MEI4: variants seen among roughly 807,000 people sequenced by gnomAD.
MEI4 encodes meiotic double-stranded break formation protein 4.
Under a neutral mutation model 31.4 loss-of-function variants are expected in MEI4, and 27 were observed. That is an observed-to-expected ratio of 0.86 (90% CI 0.63 to 1.19). MEI4 has a LOEUF of 1.19. MEI4 is among the 50% of genes most tolerant of loss of function. The pLI is 0.00. For missense variants in MEI4, 329 were observed against 398.9 expected (o/e 0.82, Z 1.49); for synonymous variants, 122 against 145.4 (o/e 0.84, Z 1.16).
intron 3 of MEI4, among the ~76,000 whole-genome samples, chr6:77,801,160 C>T (rs1429956236): frequency 1.3e-5 from 2 of 152,182 alleles, no homozygotes; most frequent in African/African-American, 2.4e-5. Context: ...ATTATTGCCT[C>T]AATTTCAGAG....
intron 4 of MEI4, among the ~76,000 whole-genome samples, chr6:77,916,434 A>G (rs1021057737): frequency 1.3e-5 from 2 of 151,878 alleles, no homozygotes; most frequent in Non-Finnish European, 2.9e-5. Flanking sequence ...AGATAATTCC[A>G]TTATTTTGGT....
upstream of MEI4, among the ~76,000 whole-genome samples, chr6:77,652,795 T>G (rs144526549): frequency 1.0e-3 from 159 of 152,238 alleles, no homozygotes; most frequent in African/African-American, 3.4e-3. Context: ...AGATTTCTGC[T>G]CTGAACAGAC....
chr6:77,905,886 A>AT (rs1013927232), intron 4 of MEI4, among the ~76,000 whole-genome samples: 18 of 147,362 alleles, frequency 1.2e-4, no homozygotes, highest in African/African-American at 4.3e-4. Context: ...TGATCTTTTC[A>AT]TTTTGTTCCA....
At chr6:77,673,023 T>C (rs764233663) in intron 1 of MEI4, among the ~76,000 whole-genome samples, 4 of 152,234 alleles carry the variant, frequency 2.6e-5, no homozygotes, top group Non-Finnish European at 5.9e-5. Context: ...AAGTCAACAA[T>C]TACCATTGCT....
chr6:77,824,236 C>T (rs1408918859), intron 3 of MEI4, among the ~76,000 whole-genome samples: 11 of 152,042 alleles, frequency 7.2e-5, no homozygotes, highest in African/African-American at 1.2e-4. Flanking sequence ...ATTACAGGCG[C>T]GTGCCACCAT....
intron 3 of MEI4, among the ~76,000 whole-genome samples, chr6:77,818,808 G>C (rs754006871): frequency 6.6e-6 from 1 of 152,080 alleles, no homozygotes; most frequent in Non-Finnish European, 1.5e-5. Flanking sequence ...CTCACTTACT[G>C]CAGCTTGGAA....
intron 1 of MEI4, among the ~76,000 whole-genome samples, chr6:77,669,496 T>A (rs1042899066): frequency 2.0e-5 from 3 of 152,198 alleles, no homozygotes; most frequent in Non-Finnish European, 4.4e-5. Context: ...GCTGACTTTT[T>A]AAGGGTTTAT....
intron 2 of MEI4, among the ~76,000 whole-genome samples, chr6:77,735,211 T>C (rs140273116): frequency 0.15 from 22,600 of 151,958 alleles, 1,851 homozygotes; most frequent in East Asian, 0.27. Flanking sequence ...TTCTCCTGGA[T>C]AATATCCTGC....
chr6:77,714,009 G>T (rs1766525104), intron 2 of MEI4, among the ~76,000 whole-genome samples: 1 of 151,908 alleles, frequency 6.6e-6, no homozygotes, highest in Admixed American at 6.6e-5. Flanking sequence ...TTCTGTGTTA[G>T]TTTGCTAAGG....
Position 77,923,665 on chromosome 6 carries a change from A to AGTT in MEI4, c.*322_*324dup, listed in dbSNP as rs1248107516. On this transcript the variant is annotated 3_prime_UTR_variant, in exon 5 of 5. Coordinates refer to ENST00000684080, the MANE Select transcript of MEI4 (RefSeq NM_001322247.2). ...TTGTCTGTCCCTTAAAAGATATTGA[A>AGTT]GTTGTAAAAGATTTCCATATAATTG... 6.5e-5 allele frequency: 11 copies of AGTT among 170,222 alleles called. No individual in the cohort carries two copies. The highest frequency in any genetic ancestry group is 4.4e-4 in the Admixed American group (7 of 15,754). 10.5% of individuals were successfully genotyped at this position (170,222 alleles called of 1,614,324 possible).
intron 4 of MEI4, among the ~76,000 whole-genome samples, chr6:77,883,745 A>ATATATATATATCTATATCTATCTAT (rs55947073): frequency 2.4e-5 from 2 of 82,302 alleles, no homozygotes; most frequent in African/African-American, 9.9e-5. Context: ...TATATATATA[A>ATATATATATATCTATATCTATCTAT]CTTTGTCTTT....
intron 2 of MEI4, among the ~76,000 whole-genome samples, chr6:77,703,395 G>T (rs1025497603): frequency 6.6e-6 from 1 of 152,112 alleles, no homozygotes; most frequent in African/African-American, 2.4e-5. Flanking sequence ...AATCAGAATG[G>T]GATAAATGAA....
At chr6:77,652,305 CAG>C (rs1449381458), upstream of MEI4, among the ~76,000 whole-genome samples, 2 of 152,124 alleles carry the variant, frequency 1.3e-5, no homozygotes, top group Non-Finnish European at 2.9e-5. Flanking sequence ...CTGCTGAAGT[CAG>C]AGAGCAAAGT....
chr6:77,699,562 G>A (rs1339037538), intron 2 of MEI4, among the ~76,000 whole-genome samples: 2 of 152,196 alleles, frequency 1.3e-5, no homozygotes, highest in Non-Finnish European at 2.9e-5. Context: ...ATCGTCTGAA[G>A]CCTTCTTCTC....
intron 4 of MEI4, among the ~76,000 whole-genome samples, chr6:77,842,045 A>C (rs1221408790): frequency 6.6e-6 from 1 of 152,178 alleles, no homozygotes; most frequent in Non-Finnish European, 1.5e-5. Context: ...TAAAATCAGC[A>C]ATATCTTAGA....
intron 4 of MEI4, among the ~76,000 whole-genome samples, chr6:77,917,540 C>G (rs921033918): frequency 7.3e-6 from 1 of 137,162 alleles, no homozygotes; most frequent in Non-Finnish European, 1.5e-5. Context: ...AGCATTTTTT[C>G]ATGTGTTTTT....
intron 4 of MEI4, among the ~76,000 whole-genome samples, chr6:77,866,142 T>A (rs917478777): frequency 2.0e-5 from 3 of 151,930 alleles, no homozygotes; most frequent in African/African-American, 4.8e-5. Context: ...GGGCAAAAAC[T>A]GGAAGCATTC....
At chr6:77,868,215 T>TAAA (rs371736808) in intron 4 of MEI4, among the ~76,000 whole-genome samples, 1,282 of 124,624 alleles carry the variant, frequency 0.01, 15 homozygotes, top group African/African-American at 0.039. Flanking sequence ...AGCATAATAA[T>TAAA]AAAAAAAAAT....
intron 4 of MEI4, among the ~76,000 whole-genome samples, chr6:77,859,345 T>C (rs1359377705): frequency 2.0e-5 from 3 of 152,162 alleles, no homozygotes; most frequent in Non-Finnish European, 2.9e-5. Context: ...CATGTGTCTT[T>C]AGAGTAGAAT....
Sources: allele counts gnomAD v4.1 joint callset (sites outside exome capture counted in the v4.1 genomes callset), GRCh38; gene constraint gnomAD v4.1.1; transcripts MANE v1.5; gene names NCBI Gene and HGNC (gene_info 2026-07-23, HGNC 2026-07-21).